Variants in IQCM observed in about 807,000 individuals in gnomAD.
IQCM encodes the protein IQ domain-containing protein M.
A neutral mutation model predicts 57.6 loss-of-function variants in IQCM; 45 were observed. The ratio of observed to expected loss-of-function variants is 0.78; its 90% confidence interval spans 0.62 to 1.00. IQCM has a LOEUF of 1.00. Ranked by LOEUF, IQCM falls within the 50% of genes least tolerant of loss-of-function variation. The pLI is 0.00. For missense variants in IQCM, 468 were observed against 511.6 expected, an observed-to-expected ratio of 0.91 and a Z score of 0.82; for synonymous variants, 148 against 158.9, an observed-to-expected ratio of 0.93 and a Z score of 0.51.
At chr4:149,460,692 GAAGA>G (rs1249187854) in intron 12 of IQCM, among the ~76,000 whole-genome samples, 1 of 152,080 alleles carries the variant, frequency 6.6e-6, no homozygotes, top group African/African-American at 2.4e-5. Flanking sequence ...GCAAAAAAAG[GAAGA>G]AAGGATCAAA....
chr4:149,765,412 T>C (rs891319014), intron 2 of IQCM, among the ~76,000 whole-genome samples: 6 of 152,246 alleles, frequency 3.9e-5, no homozygotes, highest in African/African-American at 1.4e-4. Context: ...TTGCAAAAAT[T>C]ATGACACTGA....
At chr4:149,737,015 C>T (rs1162101343) in intron 3 of IQCM, among the ~76,000 whole-genome samples, 1 of 152,162 alleles carries the variant, frequency 6.6e-6, no homozygotes, top group Non-Finnish European at 1.5e-5. Context: ...AAAAGAGGTA[C>T]TGACATGTAC....
At chr4:149,756,168 A>G (rs1217163040) in intron 2 of IQCM, among the ~76,000 whole-genome samples, 1 of 152,220 alleles carries the variant, frequency 6.6e-6, no homozygotes, top group Non-Finnish European at 1.5e-5. Context: ...AATGAATGCC[A>G]GGAATTTTTA....
chr4:149,592,111 C>A (rs187702390), intron 8 of IQCM, among the ~76,000 whole-genome samples: 69 of 152,294 alleles, frequency 4.5e-4, no homozygotes, highest in African/African-American at 1.6e-3. Context: ...TCCTCTCCAG[C>A]ACCTGCTGTT....
At chr4:149,378,148 T>G (rs544288279) in intron 13 of IQCM, among the ~76,000 whole-genome samples, 17 of 152,310 alleles carry the variant, frequency 1.1e-4, no homozygotes, top group African/African-American at 4.1e-4. Flanking sequence ...GTCATGATTA[T>G]GAGGCCTCCC....
chr4:149,456,490 T>C (rs1301147323), intron 12 of IQCM, among the ~76,000 whole-genome samples: 1 of 152,144 alleles, frequency 6.6e-6, no homozygotes, highest in African/African-American at 2.4e-5. Context: ...ATCCTGAAGG[T>C]AATTTTGTAC....
At chr4:149,751,869 C>T (rs1580201984) in intron 2 of IQCM, among the ~76,000 whole-genome samples, 2 of 152,044 alleles carry the variant, frequency 1.3e-5, no homozygotes, top group East Asian at 3.9e-4. Flanking sequence ...ACAGAGAACA[C>T]AAAGAAGGAT....
chr4:149,547,601 T>A (rs1748583646), intron 12 of IQCM, among the ~76,000 whole-genome samples: 1 of 152,306 alleles, frequency 6.6e-6, no homozygotes, highest in Admixed American at 6.5e-5. Context: ...TCGTTAATAC[T>A]GTATTGATTA....
At chr4:149,565,775 CTT>C (rs1303954930) in intron 9 of IQCM, among the ~76,000 whole-genome samples, 4 of 152,034 alleles carry the variant, frequency 2.6e-5, no homozygotes, top group Non-Finnish European at 4.4e-5. Flanking sequence ...TGCTAGTTCT[CTT>C]TGTGTCTATG....
intron 2 of IQCM, among the ~76,000 whole-genome samples, chr4:149,807,215 A>G (rs1381636171): frequency 6.6e-6 from 1 of 152,020 alleles, no homozygotes; most frequent in East Asian, 1.9e-4. Flanking sequence ...ATCCTAAGCA[A>G]AAAAAGCAAG....
In IQCM at chr4:149,508,890, G is replaced by A. The variant is rs189465947; in HGVS notation, c.1228+39565C>T. ...CAGTGGGAGGCAATTGAATCGTGGGGGCAGGTCTTTCCAGTGCTGTTCTCA... is the reference window on the plus strand; with the variant it reads ...CAGTGGGAGGCAATTGAATCGTGGGAGCAGGTCTTTCCAGTGCTGTTCTCA... On this transcript the variant is annotated intron_variant, in intron 12 of 13. Transcript: ENST00000636793. Among the ~76,000 whole-genome samples the A allele has an allele frequency of 3.9e-5, 6 of 152,256 alleles. No individual in the cohort carries two copies. The East Asian group carries it at 1.2e-3, about 29-fold the overall frequency.
At chr4:149,525,968 T>C (rs1440143410) in intron 12 of IQCM, among the ~76,000 whole-genome samples, 2 of 151,852 alleles carry the variant, frequency 1.3e-5, no homozygotes, top group South Asian at 2.1e-4. Context: ...TACGTATATA[T>C]GAAGAGCAAC....
intron 2 of IQCM, among the ~76,000 whole-genome samples, chr4:149,814,015 T>C (rs1436814967): frequency 6.6e-6 from 1 of 152,034 alleles, no homozygotes; most frequent in Non-Finnish European, 1.5e-5. Flanking sequence ...GAAGAAAGTA[T>C]CTGAATGATA....
chr4:149,383,480 C>T (rs78373130), intron 13 of IQCM, among the ~76,000 whole-genome samples: 192 of 152,166 alleles, frequency 1.3e-3, no homozygotes, highest in African/African-American at 4.2e-3. Context: ...TAACACAATC[C>T]TGTTTTTAAG....
At chr4:149,431,931 T>TTTTA (rs1553963969) in intron 13 of IQCM, among the ~76,000 whole-genome samples, 4 of 146,598 alleles carry the variant, frequency 2.7e-5, no homozygotes, top group African/African-American at 7.5e-5. Flanking sequence ...ATAATGTTGA[T>TTTTA]TATATATATA....
chr4:149,751,607 T>C (rs1209382836), intron 2 of IQCM, among the ~76,000 whole-genome samples: 2 of 152,216 alleles, frequency 1.3e-5, no homozygotes, highest in African/African-American at 4.8e-5. Flanking sequence ...ATAATCTTTA[T>C]ATCTCACAGG....
intron 13 of IQCM, among the ~76,000 whole-genome samples, chr4:149,392,833 T>C (rs1237175418): frequency 6.6e-6 from 1 of 151,952 alleles, no homozygotes; most frequent in African/African-American, 2.4e-5. Context: ...ATATGAGACA[T>C]AATGGGAATT....
intron 12 of IQCM, among the ~76,000 whole-genome samples, chr4:149,502,151 TACACACACACAC>T (rs1553983015): frequency 1.3e-5 from 2 of 149,458 alleles, no homozygotes; most frequent in Admixed American, 6.7e-5. Context: ...TATATATATA[TACACACACACAC>T]ACACACACAT....
intron 10 of IQCM, among the ~76,000 whole-genome samples, chr4:149,560,122 C>T: frequency 6.6e-6 from 1 of 152,166 alleles, no homozygotes; most frequent in East Asian, 1.9e-4. Context: ...ATGACCTGTC[C>T]TATAGGCTTC....
Sources: gnomAD v4.1 joint callset for allele counts (sites outside exome capture counted in the v4.1 genomes callset) on GRCh38, gnomAD v4.1.1 for gene constraint, MANE v1.5 for transcripts, NCBI Gene and HGNC (gene_info 2026-07-23, HGNC 2026-07-21) for gene names.